DRC11: variants seen among roughly 807,000 people sequenced by gnomAD.
DRC11 encodes dynein regulatory complex subunit 11, also known as IQ and AAA domain-containing protein 1.
chr2:236,356,823 C>T, the DRC11 span, among the ~76,000 whole-genome samples: 3 of 150,816 alleles, frequency 2.0e-5, no homozygotes, highest in Admixed American at 6.7e-5. Flanking sequence ...CTTATAACTT[C>T]TTTCACCTGT....
At chr2:236,340,429 A>T in the DRC11 span, among the ~76,000 whole-genome samples, 1 of 152,162 alleles carries the variant, frequency 6.6e-6, no homozygotes, top group Admixed American at 6.5e-5. Context: ...TGGCCCTAAG[A>T]ACTTTGTGAG....
chr2:236,473,436 CG>C, the DRC11 span, among the ~76,000 whole-genome samples: 2 of 152,292 alleles, frequency 1.3e-5, no homozygotes, highest in East Asian at 3.9e-4. The surrounding 1 kb of genome is among the most constrained non-coding windows in gnomAD (Gnocchi z 4.8). Flanking sequence ...GCTTGCCTCA[CG>C]TTAGAATGGG....
chr2:236,496,028 C>T, the DRC11 span, among the ~76,000 whole-genome samples: 6 of 152,082 alleles, frequency 3.9e-5, no homozygotes, highest in African/African-American at 1.4e-4. This position sits in a 1 kb window ranked among gnomAD's most constrained non-coding sequence, Gnocchi z 6.3. Flanking sequence ...GCATGACTTC[C>T]TATTCTTGAA....
At chr2:236,392,153 T>C in the DRC11 span, 2 of 1,517,948 alleles carry the variant, frequency 1.3e-6, no homozygotes, top group Non-Finnish European at 9.1e-7. The surrounding 1 kb of genome is among the most constrained non-coding windows in gnomAD (Gnocchi z 5.1). Flanking sequence ...ATCCCTTAAA[T>C]TATGGGGTAG....
the DRC11 span, chr2:236,324,658 C>CT: frequency 7.7e-6 from 10 of 1,294,718 alleles, no homozygotes; most frequent in Non-Finnish European, 1.1e-5. The surrounding 1 kb of genome is among the most constrained non-coding windows in gnomAD (Gnocchi z 5.7). Context: ...AAAGGCATTA[C>CT]TTTTTCTTTT....
At chr2:236,422,409 TAACA>T in the DRC11 span, among the ~76,000 whole-genome samples, 1 of 151,410 alleles carries the variant, frequency 6.6e-6, no homozygotes, top group South Asian at 2.1e-4. Context: ...TATACACCAA[TAACA>T]AACAGAGAGC....
the DRC11 span, among the ~76,000 whole-genome samples, chr2:236,457,964 A>G: frequency 2.6e-5 from 4 of 152,252 alleles, no homozygotes; most frequent in African/African-American, 9.6e-5. This position sits in a 1 kb window ranked among gnomAD's most constrained non-coding sequence, Gnocchi z 4.7. Context: ...AAATTAGTTA[A>G]TGTATAAAGC....
chr2:236,496,625 GAGA>G, the DRC11 span, among the ~76,000 whole-genome samples: 1 of 152,234 alleles, frequency 6.6e-6, no homozygotes, highest in Non-Finnish European at 1.5e-5. This position sits in a 1 kb window ranked among gnomAD's most constrained non-coding sequence, Gnocchi z 6.3. Context: ...AGGAAGGGAA[GAGA>G]AGCAGAGGGA....
chr2:236,366,167 G>A, the DRC11 span, among the ~76,000 whole-genome samples: 1 of 152,278 alleles, frequency 6.6e-6, no homozygotes, highest in South Asian at 2.1e-4. Context: ...ATACCTCCAG[G>A]AGGGTGGGTG....
the DRC11 span, among the ~76,000 whole-genome samples, chr2:236,439,764 C>T: frequency 5.9e-5 from 9 of 152,078 alleles, no homozygotes; most frequent in African/African-American, 2.2e-4. Context: ...GTTCTGATAG[C>T]AACTATTCTT....
At chr2:236,343,635 C>A in the DRC11 span, 6 of 979,712 alleles carry the variant, frequency 6.1e-6, no homozygotes, top group Non-Finnish European at 8.7e-6. The surrounding 1 kb of genome is among the most constrained non-coding windows in gnomAD (Gnocchi z 6.6). Flanking sequence ...GAAACACTGC[C>A]CTGCATTTCT....
the DRC11 span, among the ~76,000 whole-genome samples, chr2:236,320,192 C>G: frequency 6.6e-6 from 1 of 152,214 alleles, no homozygotes; most frequent in Non-Finnish European, 1.5e-5. Context: ...TATTTTGGAC[C>G]AAGGTCCTTT....
the DRC11 span, chr2:236,368,251 T>C: frequency 1.2e-6 from 2 of 1,610,394 alleles, no homozygotes; most frequent in South Asian, 1.1e-5. Flanking sequence ...AGGGAGGGCA[T>C]GGGTTCTATG....
the DRC11 span, among the ~76,000 whole-genome samples, chr2:236,387,362 T>C: frequency 1.3e-5 from 2 of 152,154 alleles, no homozygotes; most frequent in Non-Finnish European, 2.9e-5. Flanking sequence ...TTGGTGCATA[T>C]ATATTTAGGA....
chr2:236,485,245 T>C, the DRC11 span, among the ~76,000 whole-genome samples: 1 of 151,900 alleles, frequency 6.6e-6, no homozygotes, highest in East Asian at 1.9e-4. Flanking sequence ...ATATGTCATA[T>C]ATATGTATGT....
chr2:236,503,857 G>GAC, the DRC11 span, among the ~76,000 whole-genome samples: 2 of 151,974 alleles, frequency 1.3e-5, no homozygotes, highest in Non-Finnish European at 2.9e-5. This position sits in a 1 kb window ranked among gnomAD's most constrained non-coding sequence, Gnocchi z 4.9. Context: ...CCACCTCCTC[G>GAC]CCCTGCAGCC....
the DRC11 span, among the ~76,000 whole-genome samples, chr2:236,495,198 C>G: frequency 9.9e-5 from 15 of 152,140 alleles, no homozygotes; most frequent in African/African-American, 3.6e-4. This position sits in a 1 kb window ranked among gnomAD's most constrained non-coding sequence, Gnocchi z 5.6. Context: ...CAAAAATTAG[C>G]CGGGTGTGGT....
At chr2:236,320,798 G>A in the DRC11 span, among the ~76,000 whole-genome samples, 1 of 151,970 alleles carries the variant, frequency 6.6e-6, no homozygotes, top group Non-Finnish European at 1.5e-5. Flanking sequence ...GAGCTCTGAG[G>A]AGTCTACAGC....
At chr2:236,393,331 C>T in the DRC11 span, among the ~76,000 whole-genome samples, 1 of 152,206 alleles carries the variant, frequency 6.6e-6, no homozygotes, top group South Asian at 2.1e-4. The surrounding 1 kb of genome is among the most constrained non-coding windows in gnomAD (Gnocchi z 4.7). Context: ...AGGGCTGCCC[C>T]TTGTGAAGAC....
Sources: gnomAD v4.1 joint callset for allele counts (sites outside exome capture counted in the v4.1 genomes callset) on GRCh38, gnomAD v4.1.1 for gene constraint, Gnocchi (gnomAD v3.1) non-coding constraint, MANE v1.5 for transcripts, NCBI Gene and HGNC (gene_info 2026-07-23, HGNC 2026-07-21) for gene names.